MBD5: variants seen among roughly 807,000 people sequenced by gnomAD.
The protein encoded by MBD5 is methyl-CpG-binding domain protein 5.
MBD5 carries 13 observed loss-of-function variants against 117.3 expected under a neutral mutation model. The ratio of observed to expected loss-of-function variants is 0.11; its 90% CI spans 0.07 to 0.18. The LOEUF is 0.18. MBD5 is among the 10% of genes least tolerant of loss of function. The probability of loss-of-function intolerance (pLI) is 1.00; values close to 1 mark genes in which losing one functional copy is unlikely to be tolerated. For missense variants in MBD5, 1,879 were observed against 2,093.8 expected (o/e 0.90, Z 2.00); for synonymous variants, 727 against 766.4 (o/e 0.95, Z 0.85).
chr2:148,464,612 T>A (rs2105588421), intron 7 of MBD5, among the ~76,000 whole-genome samples: 1 of 152,052 alleles, frequency 6.6e-6, no homozygotes, highest in South Asian at 2.1e-4. Context: ...TAACATGCAA[T>A]CTGTATTCAG....
chr2:148,077,318 C>T (rs1695533093), intron 1 of MBD5, among the ~76,000 whole-genome samples: 1 of 152,062 alleles, frequency 6.6e-6, no homozygotes, highest in African/African-American at 2.4e-5. Context: ...TGTTACTGGG[C>T]ATTGTAGGCA....
chr2:148,490,049 C>G lies in MBD5; in HGVS notation c.4417C>G (p.Leu1473Val), dbSNP rs1400713495. 1.2e-6 allele frequency: 2 copies of G among 1,614,004 alleles called. No homozygotes were observed. The highest frequency in any genetic ancestry group is 3.3e-5 in the Admixed American group (2 of 60,000). ...CAACAATGTCTCTACACTGCCATTTCTGCCTGGGGAACAGCACCCAATACT... is the reference window on the plus strand; with the variant it reads ...CAACAATGTCTCTACACTGCCATTTGTGCCTGGGGAACAGCACCCAATACT... ...RPNNVSTLPF[L>V]PGEQHPILLP... The change falls in exon 11 of 14, where the codon CTG (leucine) becomes GTG (valine). Residue 1473 changes from leucine to valine, a missense_variant. Leu to Val is a conservative substitution (Grantham distance 32, BLOSUM62 1). Coordinates refer to ENST00000642680, the MANE Select transcript of MBD5 (RefSeq NM_001378120.1).
chr2:148,163,512 T>C (rs1698057584), intron 1 of MBD5, among the ~76,000 whole-genome samples: 1 of 152,018 alleles, frequency 6.6e-6, no homozygotes, highest in African/African-American at 2.4e-5. Context: ...ACCTCCCAGG[T>C]TCAAGCGACA....
chr2:148,394,545 G>GTTTTTTTTTTT (rs71856376), intron 4 of MBD5, among the ~76,000 whole-genome samples: 8 of 121,846 alleles, frequency 6.6e-5, no homozygotes, highest in East Asian at 2.3e-4. Flanking sequence ...CTGTACTTTG[G>GTTTTTTTTTTT]TTTTTTTTTT....
At chr2:148,496,410 T>C (rs1001088196) in intron 11 of MBD5, among the ~76,000 whole-genome samples, 1 of 152,230 alleles carries the variant, frequency 6.6e-6, no homozygotes, top group Non-Finnish European at 1.5e-5. Context: ...AACTTTACTA[T>C]AGTGAACTGT....
At chr2:148,356,721 A>C (rs1559037786) in intron 4 of MBD5, among the ~76,000 whole-genome samples, 1 of 151,896 alleles carries the variant, frequency 6.6e-6, no homozygotes, top group Non-Finnish European at 1.5e-5. Flanking sequence ...AGTTCTTTCC[A>C]ACTCTCCATT....
intron 4 of MBD5, among the ~76,000 whole-genome samples, chr2:148,399,444 GCTCT>G (rs1460787831): frequency 2.6e-5 from 4 of 152,002 alleles, no homozygotes; most frequent in African/African-American, 9.7e-5. Flanking sequence ...TCATGATTTG[GCTCT>G]CTGTTTGTCT....
intron 1 of MBD5, among the ~76,000 whole-genome samples, chr2:148,043,208 G>A (rs1257354845): frequency 6.6e-6 from 1 of 151,534 alleles, no homozygotes; most frequent in African/African-American, 2.4e-5. Flanking sequence ...GGTGGATCAC[G>A]AGGTCAGGAG....
At chr2:148,486,254 G>A (rs1681336763) in intron 10 of MBD5, among the ~76,000 whole-genome samples, 1 of 151,950 alleles carries the variant, frequency 6.6e-6, no homozygotes, top group Admixed American at 6.6e-5. Flanking sequence ...TCCCTTGCAT[G>A]CCCACCTGTC....
intron 3 of MBD5, among the ~76,000 whole-genome samples, chr2:148,294,196 GTTTTTTTTTTTTTTT>G (rs60942822): frequency 0.87 from 110,205 of 127,220 alleles, 47,232 homozygotes; most frequent in East Asian, 0.94. Flanking sequence ...CCAGAATGAA[GTTTTTTTTTTTTTTT>G]TTTTTTTTTT....
At chr2:148,221,049 T>C (rs1021685519) in intron 2 of MBD5, among the ~76,000 whole-genome samples, 2 of 152,196 alleles carry the variant, frequency 1.3e-5, no homozygotes, top group Non-Finnish European at 2.9e-5. Context: ...TTTCTGTCCC[T>C]GGCTTAACTT....
intron 3 of MBD5, among the ~76,000 whole-genome samples, chr2:148,318,166 C>T (rs1266393754): frequency 1.3e-5 from 2 of 151,978 alleles, no homozygotes; most frequent in South Asian, 4.1e-4. Flanking sequence ...TGTAAGATGG[C>T]ATCTCATTGT....
chr2:148,127,057 G>A (rs1056539323), intron 1 of MBD5, among the ~76,000 whole-genome samples: 7 of 148,594 alleles, frequency 4.7e-5, no homozygotes, highest in Non-Finnish European at 8.9e-5. Flanking sequence ...CTCACTGCAA[G>A]CTCCGCCTCC....
At chr2:148,036,277 G>C (rs1694193538) in intron 1 of MBD5, among the ~76,000 whole-genome samples, 1 of 152,118 alleles carries the variant, frequency 6.6e-6, no homozygotes, top group South Asian at 2.1e-4. Flanking sequence ...CATATTCCAT[G>C]TGCCAATGTG....
intron 11 of MBD5, chr2:148,490,813 A>G (rs552771401): frequency 1.7e-6 from 1 of 588,410 alleles, no homozygotes; most frequent in East Asian, 3.0e-5. Context: ...TTTATAGATC[A>G]CACTAGGGCT....
chr2:148,088,976 G>A (rs942704158), intron 1 of MBD5, among the ~76,000 whole-genome samples: 12 of 152,112 alleles, frequency 7.9e-5, no homozygotes, highest in Admixed American at 3.3e-4. Flanking sequence ...AATGCATAAG[G>A]ACTCATATAA....
At chr2:148,344,787 A>G (rs1166384156) in intron 4 of MBD5, among the ~76,000 whole-genome samples, 1 of 151,928 alleles carries the variant, frequency 6.6e-6, no homozygotes, top group Non-Finnish European at 1.5e-5. Flanking sequence ...ATCCACCTTA[A>G]ATTCCAATTA....
chr2:148,171,752 A>G (rs1180509176), intron 1 of MBD5, among the ~76,000 whole-genome samples: 1 of 152,396 alleles, frequency 6.6e-6, no homozygotes, highest in South Asian at 2.1e-4. Flanking sequence ...ATTAGAATAA[A>G]CAAGTACAGT....
chr2:148,148,196 A>G (rs78310806), intron 1 of MBD5, among the ~76,000 whole-genome samples: 1,869 of 152,274 alleles, frequency 0.012, 44 homozygotes, highest in African/African-American at 0.043. Context: ...AATGGAGCTT[A>G]GTGAGCTGCC....
Sources: gnomAD v4.1 joint callset for allele counts (sites outside exome capture counted in the v4.1 genomes callset) on GRCh38, gnomAD v4.1.1 for gene constraint, MANE v1.5 for transcripts, NCBI Gene and HGNC (gene_info 2026-07-23, HGNC 2026-07-21) for gene names.